Variants in ESRRB observed in about 807,000 individuals in gnomAD.
ESRRB encodes the protein estrogen related receptor beta, also known as steroid hormone receptor ERR2.
A neutral mutation model predicts 46.0 loss-of-function variants in ESRRB; 16 were observed. The ratio of observed to expected loss-of-function variants is 0.35; its 90% CI spans 0.24 to 0.53. ESRRB has a LOEUF of 0.53. ESRRB is among the 20% of genes least tolerant of loss of function. ESRRB has a pLI of 0.93. For missense variants in ESRRB, 488 were observed against 607.4 expected, an observed-to-expected ratio of 0.80 and a Z score of 2.07; for synonymous variants, 246 against 259.6, an observed-to-expected ratio of 0.95 and a Z score of 0.50.
chr14:76,414,351 A>C (rs1392841337), intron 1 of ESRRB, among the ~76,000 whole-genome samples: 1 of 150,510 alleles, frequency 6.6e-6, no homozygotes, highest in Non-Finnish European at 1.5e-5. Context: ...CAAGATCATA[A>C]TAGTTCTGAC....
chr14:76,372,205 T>C (rs964534140), upstream of ESRRB, among the ~76,000 whole-genome samples: 1 of 152,128 alleles, frequency 6.6e-6, no homozygotes, highest in South Asian at 2.1e-4. Context: ...CCTGTGTTTG[T>C]CTAGATCTCT....
At chr14:76,424,153 G>A (rs1427221962) in intron 1 of ESRRB, among the ~76,000 whole-genome samples, 1 of 152,218 alleles carries the variant, frequency 6.6e-6, no homozygotes. Context: ...GTTGTTGCAA[G>A]GAATCAGTGA....
chr14:76,314,104 G>C (rs1883769990), intron 1 of ESRRB, among the ~76,000 whole-genome samples: 1 of 151,978 alleles, frequency 6.6e-6, no homozygotes, highest in Non-Finnish European at 1.5e-5. Context: ...GGAGGAAAGA[G>C]TTAAAACCCC....
chr14:76,500,694 G>A lies in ESRRB; in HGVS notation c.*2236G>A. The A allele has an allele frequency of 3.7e-6, 6 of 1,613,882 alleles. No homozygotes were observed. Among genetic ancestry groups the A allele is most frequent in the Non-Finnish European group, 5.1e-6 (6 of 1,179,840 alleles). ...TGGCATCTGCTGTCTGTCTTTTCTA[G>A]GGAAAGCATCTCTGGCTCACCATGT... is the stretch of plus-strand genomic sequence containing the variant. On this transcript the variant is annotated 3_prime_UTR_variant, in exon 7 of 7. Transcript: ENST00000644823.
In ESRRB at chr14:76,500,749, T is replaced by C. The variant is rs1286539725; in HGVS notation, c.*2291T>C. 8.7e-6 allele frequency: 14 copies of C among 1,613,530 alleles called. No individual in the cohort carries two copies. The highest frequency in any genetic ancestry group is 1.7e-5 in the Admixed American group (1 of 60,024). On this transcript the variant is annotated 3_prime_UTR_variant, in exon 7 of 7. Transcript: ENST00000644823. ...TCTGGCTTGGAGCAAGTGGGTGTTC[T>C]GCACACCAGGCAGCTGCACCTCACT...
upstream of ESRRB, among the ~76,000 whole-genome samples, chr14:76,374,522 C>T (rs188908475): frequency 1.1e-4 from 17 of 152,228 alleles, no homozygotes; most frequent in South Asian, 4.2e-4. Context: ...ATTGCAACAA[C>T]GGGACATTGG....
At position 76,329,625 on chromosome 14, in the gene ESRRB, C is replaced by T. The variant is rs146480178; in HGVS notation, c.2+18709C>T. Among the ~76,000 whole-genome samples the T allele has an allele frequency of 2.3e-3, 348 of 152,240 alleles. 1 individual carries two copies. The highest frequency in any genetic ancestry group is 7.9e-3 in the African/African-American group (328 of 41,542). ...TTAAATCACCGAGGTGCCCATGTAG[C>T]GCGGGCTCTCTTTTCTCCTCTCAAC... is the stretch of plus-strand genomic sequence containing the variant. On this transcript the variant is annotated intron_variant, in intron 1 of 6. Transcript: ENST00000512784.
intron 1 of ESRRB, among the ~76,000 whole-genome samples, chr14:76,436,171 G>C (rs980235688): frequency 1.3e-5 from 2 of 152,220 alleles, no homozygotes; most frequent in African/African-American, 4.8e-5. Context: ...AAGGCTTGGG[G>C]AGCAAACCGC....
intron 1 of ESRRB, among the ~76,000 whole-genome samples, chr14:76,431,524 G>T (rs1211413476): frequency 6.6e-6 from 1 of 152,154 alleles, no homozygotes; most frequent in Admixed American, 6.5e-5. Flanking sequence ...GGTGTCCCCT[G>T]GGGATCAGGC....
intron 3 of ESRRB, among the ~76,000 whole-genome samples, chr14:76,478,998 T>G (rs545424479): frequency 6.6e-6 from 1 of 152,176 alleles, no homozygotes; most frequent in African/African-American, 2.4e-5. Flanking sequence ...CAGGCAGAAG[T>G]TGATGGTACA....
At chr14:76,380,345 A>C (rs1884959465) in intron 1 of ESRRB, among the ~76,000 whole-genome samples, 1 of 152,226 alleles carries the variant, frequency 6.6e-6, no homozygotes, top group African/African-American at 2.4e-5. Flanking sequence ...AGAAGGAGAC[A>C]GAATTCGAAG....
chr14:76,386,203 C>T (rs1285676562), intron 1 of ESRRB, among the ~76,000 whole-genome samples: 1 of 152,104 alleles, frequency 6.6e-6, no homozygotes. Flanking sequence ...GGAAATTTTC[C>T]TCTGAACGAA....
upstream of ESRRB, among the ~76,000 whole-genome samples, chr14:76,375,860 ACCCCAGACCCAC>A (rs1884740826): frequency 1.4e-5 from 1 of 73,560 alleles, no homozygotes; most frequent in African/African-American, 5.3e-5. Flanking sequence ...ATCTCCCCCC[ACCCCAGACCCAC>A]CTGGCGGTTG....
chr14:76,499,887 T>C lies in ESRRB; in HGVS notation c.*1429T>C. 1 of 1,614,134 alleles carries C rather than the reference T, an allele frequency of 6.2e-7. No individual in the cohort carries two copies. The highest frequency in any genetic ancestry group is 2.2e-5 in the East Asian group (1 of 44,868). Reference sequence around the variant, plus strand: ...GGTTGGCCAAGAGCAGCTTAGAGGATCTCCCAAGGATGAAAGAATGTCAAG... The same window carrying C: ...GGTTGGCCAAGAGCAGCTTAGAGGACCTCCCAAGGATGAAAGAATGTCAAG... On this transcript the variant is annotated 3_prime_UTR_variant, in exon 7 of 7. Transcript: ENST00000644823.
intron 2 of ESRRB, among the ~76,000 whole-genome samples, chr14:76,441,835 A>T (rs777854373): frequency 1.6e-4 from 24 of 152,112 alleles, no homozygotes; most frequent in Non-Finnish European, 3.4e-4. Context: ...GGAACCACCC[A>T]TCCTGCCCCT....
Position 76,498,659 on chromosome 14 carries a change from G to GT in ESRRB, c.*202dup. The GT allele has an allele frequency of 8.4e-7, 1 of 1,186,470 alleles. No homozygotes were observed. Among genetic ancestry groups the GT allele is most frequent in the Non-Finnish European group, 1.2e-6 (1 of 849,598 alleles). 73.5% of individuals were successfully genotyped at this position (1,186,470 alleles called of 1,614,324 possible). On this transcript the variant is annotated 3_prime_UTR_variant, in exon 7 of 7. Coordinates refer to ENST00000644823, the MANE Select transcript of ESRRB (RefSeq NM_001379180.1). Reference sequence around the variant, plus strand: ...GGGGGACGGGGATGGGGGGGCAGGGGTGTGGGGCTCGACTGTAACTGGCTT... The same window carrying GT: ...GGGGGACGGGGATGGGGGGGCAGGGGTTGTGGGGCTCGACTGTAACTGGCTT...
intron 1 of ESRRB, among the ~76,000 whole-genome samples, chr14:76,401,628 GT>G (rs1336459600): frequency 6.6e-6 from 1 of 152,046 alleles, no homozygotes; most frequent in East Asian, 1.9e-4. Flanking sequence ...ACATACCATT[GT>G]ATTACAATTA....
chr14:76,321,973 C>A (rs1385639111), intron 1 of ESRRB, among the ~76,000 whole-genome samples: 5 of 152,116 alleles, frequency 3.3e-5, no homozygotes, highest in Non-Finnish European at 7.3e-5. Context: ...GCCACCCAGG[C>A]AGCAAATAGT....
intron 1 of ESRRB, among the ~76,000 whole-genome samples, chr14:76,408,617 A>G (rs898489652): frequency 1.8e-4 from 27 of 149,052 alleles, no homozygotes; most frequent in African/African-American, 6.7e-4. Context: ...AAAAAAAAAA[A>G]AGATAAGCAC....
Sources: allele counts gnomAD v4.1 joint callset (sites outside exome capture counted in the v4.1 genomes callset), GRCh38; gene constraint gnomAD v4.1.1; transcripts MANE v1.5; gene names NCBI Gene and HGNC (gene_info 2026-07-23, HGNC 2026-07-21).